The following PARD3B variants were observed in gnomAD, a reference collection of about 807,000 sequenced individuals.
PARD3B encodes par-3 family cell polarity regulator beta.
PARD3B carries 103 observed loss-of-function variants against 130.2 expected under a neutral mutation model. The observed-to-expected ratio is 0.79, with a 90% CI of 0.67 to 0.93. The LOEUF is 0.93. PARD3B is among the 40% of genes least tolerant of loss of function. The pLI is 0.00. For synonymous variants in PARD3B, 583 were observed against 553.2 expected, an observed-to-expected ratio of 1.05 and a Z score of -0.76; for missense variants, 1,609 against 1,499.2, an observed-to-expected ratio of 1.07 and a Z score of -1.21.
At chr2:205,485,064 G>A (rs982359576) in intron 20 of PARD3B, among the ~76,000 whole-genome samples, 1 of 152,170 alleles carries the variant, frequency 6.6e-6, no homozygotes, top group African/African-American at 2.4e-5. Flanking sequence ...CCATTACCTC[G>A]CCTGAATGGG....
intron 2 of PARD3B, among the ~76,000 whole-genome samples, chr2:204,899,899 T>A (rs1229340317): frequency 6.6e-6 from 1 of 152,080 alleles, no homozygotes; most frequent in African/African-American, 2.4e-5. Context: ...AAGTTTTTTT[T>A]TTTTCTTTTT....
In PARD3B at chr2:205,263,505, A is replaced by G. The variant is rs1559600996; in HGVS notation, c.2185+17683A>G. Among the ~76,000 whole-genome samples, 1 of 151,206 alleles carries G rather than the reference A, an allele frequency of 6.6e-6. No individual in the cohort carries two copies. Among genetic ancestry groups the G allele is most frequent in the Non-Finnish European group, 1.5e-5 (1 of 67,662 alleles). On this transcript the variant is annotated intron_variant, in intron 16 of 22. Coordinates refer to ENST00000406610, the MANE Select transcript of PARD3B (RefSeq NM_001302769.2). The surrounding 1 kb of genome is among the most constrained non-coding windows in gnomAD (Gnocchi z 4.0). ...TAAACCTTCAATATGGAACAATTAT[A>G]TGACCACATGCAAAAAGAAAAGAAA...
At chr2:205,037,110 A>C (rs193110445) in intron 3 of PARD3B, among the ~76,000 whole-genome samples, 1 of 131,370 alleles carries the variant, frequency 7.6e-6, no homozygotes, top group Non-Finnish European at 1.8e-5. Context: ...CGGACTGTAT[A>C]TATAAAACAA....
intron 2 of PARD3B, among the ~76,000 whole-genome samples, chr2:204,729,719 T>G (rs925065358): frequency 7.2e-5 from 11 of 152,166 alleles, no homozygotes; most frequent in Non-Finnish European, 1.5e-4. Context: ...TTTAAATCAT[T>G]AGAATACGCT....
At chr2:205,328,657 T>C (rs1443795058) in intron 18 of PARD3B, among the ~76,000 whole-genome samples, 2 of 152,220 alleles carry the variant, frequency 1.3e-5, no homozygotes, top group Non-Finnish European at 1.5e-5. Flanking sequence ...TACTACACTT[T>C]AAAAACACTG....
At chr2:204,603,308 T>C (rs58776976) in intron 1 of PARD3B, among the ~76,000 whole-genome samples, 182 of 152,286 alleles carry the variant, frequency 1.2e-3, no homozygotes, top group Middle Eastern at 6.8e-3. Context: ...ACACGTTTTG[T>C]ATTAGAAAGA....
intron 4 of PARD3B, among the ~76,000 whole-genome samples, chr2:205,075,213 C>T (rs1442596808): frequency 6.6e-6 from 1 of 152,100 alleles, no homozygotes; most frequent in African/African-American, 2.4e-5. Context: ...TATTTCACAT[C>T]AGATTTCACA....
chr2:205,452,235 A>G (rs757976411), intron 20 of PARD3B, among the ~76,000 whole-genome samples: 37 of 152,172 alleles, frequency 2.4e-4, no homozygotes, highest in Non-Finnish European at 5.3e-4. Context: ...TAGCATTGTC[A>G]TGTACAGCTC....
chr2:205,248,414 TGGC>T lies in PARD3B; in HGVS notation c.2185+2596_2185+2598del, dbSNP rs1261330803. On this transcript the variant is annotated intron_variant, in intron 16 of 22. Transcript: ENST00000406610. ...GTGGTGGTGGTGGTGGTGGTGGTGG[TGGC>T]GGCAGCAGCAGCAGCAGAGGGTTAA... Among the ~76,000 whole-genome samples the T allele has an allele frequency of 8.8e-4, 130 of 148,238 alleles. 1 individual carries two copies. The highest frequency in any genetic ancestry group is 1.7e-3 in the African/African-American group (66 of 39,366).
At chr2:204,582,574 G>A (rs2032618015) in intron 1 of PARD3B, among the ~76,000 whole-genome samples, 2 of 152,126 alleles carry the variant, frequency 1.3e-5, no homozygotes, top group Admixed American at 1.3e-4. Flanking sequence ...CAGCACGGGT[G>A]GGTTTTGTAG....
intron 4 of PARD3B, among the ~76,000 whole-genome samples, chr2:205,054,080 C>A (rs535508736): frequency 6.6e-6 from 1 of 151,850 alleles, no homozygotes; most frequent in Admixed American, 6.6e-5. Context: ...CAAATGTTTA[C>A]TTCATTTGGC....
intron 18 of PARD3B, among the ~76,000 whole-genome samples, chr2:205,380,977 T>TAA (rs1336966777): frequency 2.1e-5 from 2 of 96,402 alleles, no homozygotes; most frequent in African/African-American, 4.1e-5. Context: ...AAAGAATATA[T>TAA]TATATATAAT....
At chr2:204,798,849 C>T (rs528277076) in intron 2 of PARD3B, among the ~76,000 whole-genome samples, 2 of 152,176 alleles carry the variant, frequency 1.3e-5, no homozygotes, top group East Asian at 3.9e-4. Flanking sequence ...CATTAAGGAG[C>T]CGTTGGTCCT....
intron 1 of PARD3B, among the ~76,000 whole-genome samples, chr2:204,670,746 A>G (rs979706350): frequency 1.3e-5 from 2 of 152,040 alleles, no homozygotes; most frequent in South Asian, 2.1e-4. Context: ...GAATGCAGCT[A>G]TTGTTACTTT....
At chr2:204,712,078 C>A (rs974802680) in intron 2 of PARD3B, among the ~76,000 whole-genome samples, 2 of 152,146 alleles carry the variant, frequency 1.3e-5, no homozygotes, top group African/African-American at 2.4e-5. Flanking sequence ...TGAATTTACA[C>A]TGTATAACAA....
chr2:204,813,947 A>G lies in PARD3B; in HGVS notation c.222+127665A>G, dbSNP rs151240865. On this transcript the variant is annotated intron_variant, in intron 2 of 22. Transcript: ENST00000406610. ...TTCTTTTTTCATAATTGTCTTGGCT[A>G]TTCTAGGTTCTTTGCATTTTCATAG... Among the ~76,000 whole-genome samples, 221 of 151,972 alleles carry G rather than the reference A, an allele frequency of 1.5e-3. 1 individual carries two copies. The highest frequency in any genetic ancestry group is 2.6e-3 in the Non-Finnish European group (179 of 67,884).
At position 205,272,740 on chromosome 2, in the gene PARD3B, G is replaced by A. The variant is rs115709242; in HGVS notation, c.2185+26918G>A. ...GGCAGGAAGAAGGAGGACAGGTGAAGGACAAAAGACATAATTCTGTCCCTT... is the reference window on the plus strand; with the variant it reads ...GGCAGGAAGAAGGAGGACAGGTGAAAGACAAAAGACATAATTCTGTCCCTT... On this transcript the variant is annotated intron_variant, in intron 16 of 22. Coordinates refer to ENST00000406610, the MANE Select transcript of PARD3B (RefSeq NM_001302769.2). Among the ~76,000 whole-genome samples, 1,152 of 152,228 alleles carry A rather than the reference G, an allele frequency of 7.6e-3. 18 individuals carry two copies. Among genetic ancestry groups the A allele is most frequent in the African/African-American group, 0.027 (1,112 of 41,546 alleles).
chr2:205,070,240 T>C (rs1202331523), intron 4 of PARD3B, among the ~76,000 whole-genome samples: 1 of 152,144 alleles, frequency 6.6e-6, no homozygotes. Context: ...TCTAAAACAA[T>C]AAGTATTTTT....
At chr2:205,383,142 C>CATA (rs1559039119) in intron 18 of PARD3B, among the ~76,000 whole-genome samples, 3 of 139,570 alleles carry the variant, frequency 2.1e-5, no homozygotes, top group Admixed American at 1.4e-4. Context: ...ATAGATAGAT[C>CATA]GATCTAAACT....
Sources: gnomAD v4.1 joint callset for allele counts (sites outside exome capture counted in the v4.1 genomes callset) on GRCh38, gnomAD v4.1.1 for gene constraint, Gnocchi (gnomAD v3.1) non-coding constraint, MANE v1.5 for transcripts, NCBI Gene and HGNC (gene_info 2026-07-23, HGNC 2026-07-21) for gene names.